GPHN: variants seen among roughly 807,000 people sequenced by gnomAD.
GPHN encodes gephyrin.
In GPHN, 17 loss-of-function variants were observed where a neutral mutation model predicts 95.5. The observed-to-expected ratio is 0.18, with a 90% CI of 0.12 to 0.27. The LOEUF (loss-of-function observed/expected upper bound fraction) is 0.27, where lower values mean the gene tolerates loss of function less well. GPHN is among the 10% of genes least tolerant of loss of function. The pLI is 1.00. For synonymous variants in GPHN, 320 were observed against 322.5 expected, an observed-to-expected ratio of 0.99 and a Z score of 0.08; for missense variants, 660 against 978.1, an observed-to-expected ratio of 0.67 and a Z score of 4.34.
chr14:67,306,536 T>TG, the GPHN span, among the ~76,000 whole-genome samples: 3 of 150,452 alleles, frequency 2.0e-5, no homozygotes, highest in Non-Finnish European at 3.0e-5. Flanking sequence ...TGTGTGTGTG[T>TG]TTGTGTATTT....
chr14:67,103,037 G>C (rs1363143151), intron 13 of GPHN, among the ~76,000 whole-genome samples: 1 of 152,070 alleles, frequency 6.6e-6, no homozygotes, highest in Non-Finnish European at 1.5e-5. Flanking sequence ...TTGTTTGTTT[G>C]TTTGGGTTTT....
At chr14:66,541,458 G>A (rs571316716) in intron 1 of GPHN, among the ~76,000 whole-genome samples, 43 of 152,270 alleles carry the variant, frequency 2.8e-4, no homozygotes, top group Non-Finnish European at 3.7e-4. Context: ...CACAATAGAG[G>A]TTCAAGTGGG....
At chr14:67,730,896 G>A in the GPHN span, among the ~76,000 whole-genome samples, 18 of 152,132 alleles carry the variant, frequency 1.2e-4, no homozygotes, top group Middle Eastern at 3.4e-3. Flanking sequence ...GAGCCACCGC[G>A]CCCAGCCCCA....
chr14:66,989,575 C>A (rs1440571800), intron 9 of GPHN, among the ~76,000 whole-genome samples: 1 of 149,428 alleles, frequency 6.7e-6, no homozygotes, highest in Non-Finnish European at 1.5e-5. Context: ...CTGAGAAACA[C>A]TTTGTTCTGA....
the GPHN span, among the ~76,000 whole-genome samples, chr14:67,450,471 A>G: frequency 6.6e-6 from 1 of 152,320 alleles, no homozygotes; most frequent in South Asian, 2.1e-4. Context: ...TAAAATGATG[A>G]TAGTGATATG....
At chr14:67,377,112 C>T in the GPHN span, among the ~76,000 whole-genome samples, 4 of 152,140 alleles carry the variant, frequency 2.6e-5, no homozygotes, top group African/African-American at 9.7e-5. Context: ...AACCTTTTTT[C>T]TCCCTGTCTT....
the GPHN span, chr14:67,204,684 C>G: frequency 6.2e-7 from 1 of 1,613,808 alleles, no homozygotes; most frequent in Non-Finnish European, 8.5e-7. Context: ...AATGGGTGGC[C>G]CTCATCTCCC....
At chr14:67,415,141 T>G in the GPHN span, among the ~76,000 whole-genome samples, 6 of 152,212 alleles carry the variant, frequency 3.9e-5, no homozygotes, top group African/African-American at 1.4e-4. Context: ...GTGCATATTA[T>G]AGAATATTTA....
chr14:67,620,770 C>A, the GPHN span: 1 of 863,672 alleles, frequency 1.2e-6, no homozygotes, highest in Non-Finnish European at 1.9e-6. Flanking sequence ...GAAGGACAGT[C>A]ATTGATGGAA....
At chr14:67,358,565 T>G in the GPHN span, among the ~76,000 whole-genome samples, 17 of 152,122 alleles carry the variant, frequency 1.1e-4, no homozygotes, top group African/African-American at 3.9e-4. Flanking sequence ...CCAGGCGCGG[T>G]GGCTCCCATC....
chr14:67,175,412 C>G (rs2082874362), intron 21 of GPHN, among the ~76,000 whole-genome samples: 1 of 152,080 alleles, frequency 6.6e-6, no homozygotes, highest in East Asian at 1.9e-4. Flanking sequence ...ATTTCTGAGG[C>G]CTCTGTTTTG....
chr14:67,495,371 C>T, the GPHN span, among the ~76,000 whole-genome samples: 9 of 152,298 alleles, frequency 5.9e-5, no homozygotes, highest in South Asian at 2.1e-4. Flanking sequence ...CGGGGTTAAA[C>T]TTTGGAGTGT....
intron 1 of GPHN, among the ~76,000 whole-genome samples, chr14:66,639,724 C>T (rs2064290909): frequency 6.6e-6 from 1 of 151,124 alleles, no homozygotes; most frequent in South Asian, 2.1e-4. Context: ...ATGTGTGTAC[C>T]CCCACATACA....
intron 2 of GPHN, among the ~76,000 whole-genome samples, chr14:66,741,489 C>T (rs1299549881): frequency 6.6e-6 from 1 of 151,820 alleles, no homozygotes; most frequent in Non-Finnish European, 1.5e-5. Flanking sequence ...TTAGGAAGTC[C>T]ATTAATATAA....
At chr14:67,595,574 ATGTGACACAACTCTGGCCAATGAAATG>A in the GPHN span, among the ~76,000 whole-genome samples, 1 of 152,234 alleles carries the variant, frequency 6.6e-6, no homozygotes, top group African/African-American at 2.4e-5. Flanking sequence ...AAAAATTGGC[ATGTGACACAACTCTGGCCAATGAAATG>A]TGAGGGGAGA....
At chr14:66,532,373 T>C (rs552021403) in intron 1 of GPHN, among the ~76,000 whole-genome samples, 3 of 152,120 alleles carry the variant, frequency 2.0e-5, no homozygotes, top group Non-Finnish European at 2.9e-5. Context: ...ATAGTTGGGT[T>C]ATAAGAAGTA....
the GPHN span, chr14:67,588,206 A>C: frequency 6.6e-6 from 1 of 152,296 alleles, no homozygotes; most frequent in Non-Finnish European, 1.5e-5. Flanking sequence ...GTCCAATCTG[A>C]CCCCTCCCTG....
chr14:66,838,328 A>G (rs1284435254), intron 4 of GPHN, among the ~76,000 whole-genome samples: 1 of 152,144 alleles, frequency 6.6e-6, no homozygotes, highest in Non-Finnish European at 1.5e-5. Flanking sequence ...CTTTAGCTTT[A>G]AAAATAAGTA....
chr14:67,350,079 TA>T, the GPHN span, among the ~76,000 whole-genome samples: 1 of 152,266 alleles, frequency 6.6e-6, no homozygotes, highest in African/African-American at 2.4e-5. Context: ...ATAACATATG[TA>T]AATTGGCATA....
Sources: gnomAD v4.1 joint callset for allele counts (sites outside exome capture counted in the v4.1 genomes callset) on GRCh38, gnomAD v4.1.1 for gene constraint, MANE v1.5 for transcripts, NCBI Gene and HGNC (gene_info 2026-07-23, HGNC 2026-07-21) for gene names.